Variants in ERGIC1 observed in about 807,000 individuals in gnomAD.
ERGIC1 encodes endoplasmic reticulum-golgi intermediate compartment 1.
ERGIC1 carries 19 observed loss-of-function variants against 38.3 expected under a neutral mutation model. The ratio of observed to expected loss-of-function variants is 0.50; its 90% confidence interval spans 0.35 to 0.73. The LOEUF (loss-of-function observed/expected upper bound fraction) is 0.73. Among genes scored for constraint, ERGIC1 ranks in the 30% least tolerant of loss-of-function variants. The probability of loss-of-function intolerance (pLI) is 0.01; values close to 1 mark genes in which losing one functional copy is unlikely to be tolerated. For synonymous variants in ERGIC1, 124 were observed against 157.6 expected, an observed-to-expected ratio of 0.79 and a Z score of 1.60; for missense variants, 294 against 389.2, an observed-to-expected ratio of 0.76 and a Z score of 2.06.
In ERGIC1 at chr5:172,893,905, A is replaced by ATG. The variant is rs1554110394; in HGVS notation, c.83-3067_83-3066dup. Among the ~76,000 whole-genome samples, 62 of 15,528 alleles carry ATG rather than the reference A, an allele frequency of 4.0e-3. 1 individual carries two copies. The highest frequency in any genetic ancestry group is 6.0e-3 in the African/African-American group (54 of 9,068). The allele number at this position is 15,528 out of a possible 152,430, so 10.2% of individuals were successfully genotyped here. ...TATATATATATATATATATATATAT[A>ATG]TGTGTGTGTGTGTGTGTGTGTGTGT... On this transcript the variant is annotated intron_variant, in intron 2 of 9. Transcript: ENST00000393784.
chr5:172,935,408 C>T, intron 9 of ERGIC1, 98 bp downstream of exon 9: 2 of 1,543,316 alleles, frequency 1.3e-6, no homozygotes, highest in Non-Finnish European at 1.8e-6. Context: ...CTCGCTGAAA[C>T]AGGAGGCAGC....
intron 1 of ERGIC1, among the ~76,000 whole-genome samples, chr5:172,861,054 A>C (rs953065708): frequency 6.6e-6 from 1 of 152,170 alleles, no homozygotes; most frequent in Non-Finnish European, 1.5e-5. Flanking sequence ...AAACAAGCTG[A>C]GTCCTGCCCC....
chr5:172,836,851 A>G (rs1761049285), intron 1 of ERGIC1, among the ~76,000 whole-genome samples: 1 of 152,180 alleles, frequency 6.6e-6, no homozygotes, highest in Non-Finnish European at 1.5e-5. Context: ...TTCCCTTGTC[A>G]CCTGAGAGAG....
chr5:172,856,161 T>C (rs1761543599), intron 1 of ERGIC1, among the ~76,000 whole-genome samples: 1 of 151,788 alleles, frequency 6.6e-6, no homozygotes, highest in South Asian at 2.1e-4. Flanking sequence ...TCCCTAGGGG[T>C]GGGCAGCACG....
intron 1 of ERGIC1, among the ~76,000 whole-genome samples, chr5:172,850,442 G>A (rs1254416261): frequency 6.6e-6 from 1 of 152,066 alleles, no homozygotes; most frequent in Non-Finnish European, 1.5e-5. Flanking sequence ...TAGAGGCACT[G>A]TTCCATGCTG....
intron 9 of ERGIC1, among the ~76,000 whole-genome samples, chr5:172,940,839 C>A (rs1336674603): frequency 1.3e-5 from 2 of 152,228 alleles, no homozygotes; most frequent in Non-Finnish European, 2.9e-5. Flanking sequence ...GGGGACTAAT[C>A]CCCCAGACTT....
chr5:172,892,462 AC>A (rs1762592397), intron 2 of ERGIC1, among the ~76,000 whole-genome samples: 1 of 152,200 alleles, frequency 6.6e-6, no homozygotes, highest in Admixed American at 6.5e-5. Flanking sequence ...TCCTCCACTT[AC>A]GTGACTGTGT....
At chr5:172,923,983 GA>G (rs1406754407) in intron 5 of ERGIC1, 21 bp from the exon 6 acceptor site, 2 of 1,612,456 alleles carry the variant, frequency 1.2e-6, no homozygotes, top group South Asian at 1.1e-5. Context: ...CCAAACTCCT[GA>G]AACTCACATT....
chr5:172,883,302 G>T (rs565233821), intron 1 of ERGIC1, among the ~76,000 whole-genome samples: 263 of 152,252 alleles, frequency 1.7e-3, no homozygotes, highest in African/African-American at 6.2e-3. Flanking sequence ...ATTAGACAGT[G>T]CTGCCGGCCA....
intron 1 of ERGIC1, among the ~76,000 whole-genome samples, chr5:172,873,620 G>A (rs1259142952): frequency 6.6e-6 from 1 of 152,218 alleles, no homozygotes; most frequent in African/African-American, 2.4e-5. Flanking sequence ...GGGGAGCTTT[G>A]GGGAGGCCAG....
chr5:172,898,615 G>A (rs1416084568), intron 3 of ERGIC1: 1 of 152,224 alleles, frequency 6.6e-6, no homozygotes, highest in Admixed American at 6.5e-5. Flanking sequence ...GGGAGACCCA[G>A]GGCCAGGTCT....
At chr5:172,851,218 A>T (rs1332190190) in intron 1 of ERGIC1, among the ~76,000 whole-genome samples, 39 of 130,476 alleles carry the variant, frequency 3.0e-4, no homozygotes, top group Admixed American at 1.7e-3. Context: ...AAAAAAAAAA[A>T]AATTAAAAAT....
At chr5:172,914,499 G>T in intron 4 of ERGIC1, 1 of 710,472 alleles carries the variant, frequency 1.4e-6, no homozygotes, top group Non-Finnish European at 2.4e-6. Context: ...GGTGGCCCCG[G>T]GACCCCTACT....
chr5:172,890,332 A>G (rs1274613866), intron 2 of ERGIC1, among the ~76,000 whole-genome samples: 1 of 152,232 alleles, frequency 6.6e-6, no homozygotes, highest in East Asian at 1.9e-4. Flanking sequence ...GTCACTGATA[A>G]GAGACTAAGG....
intron 2 of ERGIC1, 83 bp downstream of exon 2, chr5:172,888,843 G>T: frequency 7.7e-7 from 1 of 1,301,644 alleles, no homozygotes; most frequent in East Asian, 2.3e-5. Flanking sequence ...ATCTGGGCCA[G>T]GGAGGAAAGA....
chr5:172,882,913 G>C (rs1054881724), intron 1 of ERGIC1, among the ~76,000 whole-genome samples: 1 of 152,084 alleles, frequency 6.6e-6, no homozygotes, highest in African/African-American at 2.4e-5. Context: ...CAGGCTAAGT[G>C]GGGTGGTGGT....
intron 1 of ERGIC1, among the ~76,000 whole-genome samples, chr5:172,874,917 T>C (rs187389673): frequency 0.019 from 2,643 of 139,734 alleles, 41 homozygotes; most frequent in Non-Finnish European, 0.024. Context: ...AGTGAGACCC[T>C]GTCTAAAAAA....
At chr5:172,893,497 C>T (rs547231237) in intron 2 of ERGIC1, among the ~76,000 whole-genome samples, 29 of 152,082 alleles carry the variant, frequency 1.9e-4, no homozygotes, top group Admixed American at 1.3e-3. Context: ...AATGGGTTGT[C>T]GGGGCTTGGG....
At chr5:172,927,029 A>G in intron 7 of ERGIC1, 1 of 179,048 alleles carries the variant, frequency 5.6e-6, no homozygotes, top group South Asian at 1.2e-4. Flanking sequence ...GACTCCTCCC[A>G]TCGATAGTGG....
Sources: gnomAD v4.1 joint callset for allele counts (sites outside exome capture counted in the v4.1 genomes callset) on GRCh38, gnomAD v4.1.1 for gene constraint, MANE v1.5 for transcripts, NCBI Gene and HGNC (gene_info 2026-07-23, HGNC 2026-07-21) for gene names.